VGLL4: variants seen among roughly 807,000 people sequenced by gnomAD.
The protein encoded by VGLL4 is vestigial like family member 4.
In VGLL4, 7 loss-of-function variants were observed where a neutral mutation model predicts 21.0. The ratio of observed to expected loss-of-function variants is 0.33; its 90% confidence interval spans 0.19 to 0.63. The LOEUF (loss-of-function observed/expected upper bound fraction) is 0.63, where lower values mean the gene tolerates loss of function less well. Among genes scored for constraint, VGLL4 ranks in the 20% least tolerant of loss-of-function variants. VGLL4 has a pLI of 0.78. For missense variants in VGLL4, 394 were observed against 425.7 expected (o/e 0.93, Z 0.66); for synonymous variants, 222 against 173.2 (o/e 1.28, Z -2.21).
chr3:11,661,449 TTATTTATTTATTTATC>T (rs1449710659), intron 2 of VGLL4, among the ~76,000 whole-genome samples: 2 of 150,724 alleles, frequency 1.3e-5, no homozygotes, highest in African/African-American at 4.9e-5. Context: ...ATTTATTTAT[TTATTTATTTATTTATC>T]TATTTATTTA....
chr3:11,707,532 G>A (rs1188236605), intron 1 of VGLL4, among the ~76,000 whole-genome samples: 1 of 150,448 alleles, frequency 6.6e-6, no homozygotes, highest in Non-Finnish European at 1.5e-5. Flanking sequence ...AAAGGTGGAA[G>A]ATAACAGTTA....
intron 1 of VGLL4, among the ~76,000 whole-genome samples, chr3:11,704,383 C>CAAAAAAAAAAAAAAAAAAAAAAA (rs57593843): frequency 1.3e-4 from 9 of 69,144 alleles, no homozygotes; most frequent in Admixed American, 1.9e-4. Context: ...AACTCCGTCT[C>CAAAAAAAAAAAAAAAAAAAAAAA]AAAAAAAAAA....
chr3:11,629,472 T>G (rs1420221469), intron 1 of VGLL4, among the ~76,000 whole-genome samples: 1 of 151,844 alleles, frequency 6.6e-6, no homozygotes, highest in Non-Finnish European at 1.5e-5. Context: ...TCCACATAGC[T>G]GGGGCTGGAA....
At chr3:11,706,334 T>C (rs561545430) in intron 1 of VGLL4, among the ~76,000 whole-genome samples, 46 of 152,322 alleles carry the variant, frequency 3.0e-4, no homozygotes, top group African/African-American at 1.0e-3. Flanking sequence ...AACCAATGTT[T>C]ATTACACAAT....
rs970253834 is a variant in VGLL4 at position 11,719,818 on chromosome 3, G to A, written c.-14+576C>T. On this transcript the variant is annotated intron_variant, in intron 1 of 5. Transcript: ENST00000273038. The surrounding 1 kb of genome is among the most constrained non-coding windows in gnomAD (Gnocchi z 4.0). ...CTCCCCCGCCAGCTGCGCGCCCGGT[G>A]CCAGCTCGCACCTCCCGGGCCGATG... is the stretch of plus-strand genomic sequence containing the variant. 6.6e-6 allele frequency among the ~76,000 whole-genome samples: 1 copy of A among 152,026 alleles called. No individual in the cohort carries two copies. Among genetic ancestry groups the A allele is most frequent in the Non-Finnish European group, 1.5e-5 (1 of 67,986 alleles).
intron 2 of VGLL4, among the ~76,000 whole-genome samples, chr3:11,694,849 C>T (rs906273111): frequency 2.6e-5 from 4 of 152,104 alleles, no homozygotes; most frequent in African/African-American, 9.7e-5. Flanking sequence ...AGTTGTGGAA[C>T]AGAGGTTTGG....
intron 2 of VGLL4, among the ~76,000 whole-genome samples, chr3:11,666,758 G>T (rs1318869331): frequency 2.0e-5 from 3 of 152,112 alleles, no homozygotes; most frequent in Non-Finnish European, 4.4e-5. Flanking sequence ...GCATCTCTAA[G>T]GACCTGAAAA....
intron 1 of VGLL4, among the ~76,000 whole-genome samples, chr3:11,640,054 G>A (rs2075660467): frequency 6.6e-6 from 1 of 152,168 alleles, no homozygotes; most frequent in African/African-American, 2.4e-5. Flanking sequence ...ACAAGGCAAA[G>A]GTATTAGATG....
At chr3:11,644,062 G>C, upstream of VGLL4, 3 of 921,242 alleles carry the variant, frequency 3.3e-6, no homozygotes, top group African/African-American at 5.4e-5. Context: ...AAAGGGGAGG[G>C]GGAGAGACTC....
At chr3:11,706,176 C>A (rs936669578) in intron 1 of VGLL4, among the ~76,000 whole-genome samples, 9 of 152,116 alleles carry the variant, frequency 5.9e-5, no homozygotes, top group Non-Finnish European at 1.3e-4. Flanking sequence ...TCTAGCATAG[C>A]GGAATATTAG....
intron 1 of VGLL4, among the ~76,000 whole-genome samples, chr3:11,608,508 A>T (rs7622032): frequency 1.3e-5 from 2 of 152,166 alleles, no homozygotes; most frequent in African/African-American, 2.4e-5. Context: ...TTTCAATGGC[A>T]GAGAAGTTTA....
chr3:11,687,066 C>T (rs1191479314), intron 2 of VGLL4, among the ~76,000 whole-genome samples: 1 of 152,120 alleles, frequency 6.6e-6, no homozygotes, highest in Non-Finnish European at 1.5e-5. Flanking sequence ...GTAATTATCC[C>T]TATGTCAGTA....
intron 1 of VGLL4, among the ~76,000 whole-genome samples, chr3:11,624,759 A>C (rs1320944372): frequency 2.6e-5 from 4 of 152,204 alleles, no homozygotes; most frequent in Non-Finnish European, 5.9e-5. Flanking sequence ...TAAATTTCTC[A>C]AAGTCTAGAA....
At chr3:11,569,213 C>T (rs754219560) in intron 2 of VGLL4, among the ~76,000 whole-genome samples, 3 of 152,214 alleles carry the variant, frequency 2.0e-5, no homozygotes, top group Non-Finnish European at 4.4e-5. Context: ...GCCCTTAGCC[C>T]CATCACCTGA....
At chr3:11,593,268 A>G (rs138124956) in intron 2 of VGLL4, among the ~76,000 whole-genome samples, 238 of 152,338 alleles carry the variant, frequency 1.6e-3, no homozygotes, top group African/African-American at 3.7e-3. Context: ...GGGTATGATC[A>G]TGTTGCCAAA....
At chr3:11,634,108 T>C (rs574938490) in intron 1 of VGLL4, among the ~76,000 whole-genome samples, 3 of 152,270 alleles carry the variant, frequency 2.0e-5, no homozygotes, top group Admixed American at 6.5e-5. Flanking sequence ...AGCAGCAGCC[T>C]CTCCTGAGCT....
At chr3:11,672,199 C>CAAA (rs2076227146) in intron 2 of VGLL4, among the ~76,000 whole-genome samples, 1 of 152,130 alleles carries the variant, frequency 6.6e-6, no homozygotes, top group African/African-American at 2.4e-5. Flanking sequence ...AGGATGAGTC[C>CAAA]CTTTGCAAAG....
In VGLL4 at chr3:11,559,208, A is replaced by T. The variant is rs1317328972; in HGVS notation, c.619+124T>A. 1.1e-5 allele frequency: 15 copies of T among 1,416,770 alleles called. No homozygotes were observed. The South Asian group carries it at 2.1e-4, about 20-fold the overall frequency. The allele number at this position is 1,416,770 out of a possible 1,614,324, so 87.8% of individuals were successfully genotyped here. The stretch of plus-strand genomic sequence containing the variant: ...GGCGCACACTGGACGTGCTCAAGAA[A>T]TACTTTTTCAACCTCAGCAATAGAT... On this transcript the variant is annotated intron_variant, in intron 4 of 4. Coordinates refer to ENST00000430365, the MANE Select transcript of VGLL4 (RefSeq NM_001128219.3).
At chr3:11,679,655 C>G (rs1457612203) in intron 2 of VGLL4, among the ~76,000 whole-genome samples, 1 of 152,006 alleles carries the variant, frequency 6.6e-6, no homozygotes, top group Non-Finnish European at 1.5e-5. Context: ...TGTACTTCAG[C>G]CTGGGCGACA....
Sources: allele counts gnomAD v4.1 joint callset (sites outside exome capture counted in the v4.1 genomes callset), GRCh38; gene constraint gnomAD v4.1.1; non-coding constraint Gnocchi (gnomAD v3.1); transcripts MANE v1.5; gene names NCBI Gene and HGNC (gene_info 2026-07-23, HGNC 2026-07-21).